The following FRMPD2 variants were observed in gnomAD, a reference collection of about 807,000 sequenced individuals.
The protein encoded by FRMPD2 is FERM and PDZ domain-containing protein 2.
In FRMPD2, 96 loss-of-function variants were observed where a neutral mutation model predicts 140.1. The ratio of observed to expected loss-of-function variants is 0.69; its 90% CI spans 0.58 to 0.81. The LOEUF (loss-of-function observed/expected upper bound fraction) is 0.81, where lower values mean the gene tolerates loss of function less well. FRMPD2 is among the 40% of genes least tolerant of loss of function. The pLI is 0.00. For synonymous variants in FRMPD2, 449 were observed against 547.6 expected (o/e 0.82, Z 2.52); for missense variants, 1,240 against 1,447.4 (o/e 0.86, Z 2.32).
At position 48,257,182 on chromosome 10, in the gene FRMPD2, C is replaced by CTTT. The variant is rs771272537; in HGVS notation, c.26-5494_26-5492dup. ...CCTCTTCTGTTTTAAATCTCCCAGT[C>CTTT]TTTTTTTTTTTTTCTGCCTGTAACA... On this transcript the variant is annotated intron_variant, in intron 1 of 28. Coordinates refer to ENST00000374201, the MANE Select transcript of FRMPD2 (RefSeq NM_001018071.4). 6.5e-3 allele frequency among the ~76,000 whole-genome samples: 938 copies of CTTT among 144,190 alleles called. 10 individuals carry two copies. Among genetic ancestry groups the CTTT allele is most frequent in the African/African-American group, 0.022 (871 of 39,858 alleles). 94.6% of individuals were successfully genotyped at this position (144,190 alleles called of 152,430 possible). A position where few individuals can be genotyped will look rare whatever the true frequency, so the allele number is the denominator to read the frequency against.
At chr10:48,177,358 G>A (rs1401926606) in intron 22 of FRMPD2, 5 of 150,200 alleles carry the variant, frequency 3.3e-5, no homozygotes, top group African/African-American at 7.4e-5. Context: ...CGATCCACCC[G>A]CCTCGGCCTC....
At position 48,184,659 on chromosome 10, in the gene FRMPD2, G is replaced by A. The variant is rs769311496; in HGVS notation, c.2491C>T (p.His831Tyr). ...KPGGQILALN[H>Y]ISLEGFTFNM... ...AATGTGAAGCCCTCCAGACTGATGT[G>A]ATTCAGGGCTAGTATCTGCCCTCCT... The change falls in exon 20 of 29, where the codon CAC (histidine) becomes TAC (tyrosine). Residue 831 changes from histidine (H) to tyrosine (Y), a missense_variant. His to Tyr is a moderately conservative substitution (Grantham distance 83). Transcript: ENST00000374201. The A allele has an allele frequency of 6.2e-7, 1 of 1,612,772 alleles. No individual in the cohort carries two copies. Among genetic ancestry groups the A allele is most frequent in the East Asian group, 2.2e-5 (1 of 44,866 alleles).
intron 10 of FRMPD2, among the ~76,000 whole-genome samples, chr10:48,229,111 G>A (rs1473847118): frequency 1.3e-5 from 2 of 151,992 alleles, no homozygotes; most frequent in African/African-American, 4.8e-5. Flanking sequence ...AGCCTCTACT[G>A]TTAATATTAA....
Position 48,274,547 on chromosome 10 carries a change from G to A in FRMPD2, c.21C>T (p.Asp7=), listed in dbSNP as rs201267573. 2.8e-5 allele frequency: 45 copies of A among 1,614,008 alleles called. No homozygotes were observed. In the African/African-American group the frequency reaches 3.6e-4, roughly 13 times the overall value. Residue 7 remains aspartate, a synonymous_variant, in exon 1 of 29, where the codon GAC becomes GAT. Coordinates refer to ENST00000374201, the MANE Select transcript of FRMPD2 (RefSeq NM_001018071.4). MQPLTK[D]AGMSLSSVTL... ...CTGAATGATGCCAAGGAATACCTGC[G>A]TCCTTCGTTAAAGGCTGCATCCAAA...
At chr10:48,250,570 T>C (rs887395838) in intron 2 of FRMPD2, among the ~76,000 whole-genome samples, 2 of 151,884 alleles carry the variant, frequency 1.3e-5, no homozygotes, top group Admixed American at 6.6e-5. Flanking sequence ...CCGGCTAATA[T>C]TTTGTGTGTG....
chr10:48,247,159 G>T (rs899493781), intron 3 of FRMPD2, among the ~76,000 whole-genome samples: 2 of 152,354 alleles, frequency 1.3e-5, no homozygotes, highest in East Asian at 3.9e-4. Context: ...CTGCCTGGAG[G>T]AAAGTGTGCA....
In FRMPD2 at chr10:48,242,447, G is replaced by A. The variant is rs536619525; in HGVS notation, c.376-95C>T. On this transcript the variant is annotated intron_variant, in intron 4 of 28. Coordinates refer to ENST00000374201, the MANE Select transcript of FRMPD2 (RefSeq NM_001018071.4). ...AGGCAGGCCTTGGAGACATGGAAAC[G>A]GGTGTTCCCACAAGCACCAGAGCAG... is the stretch of plus-strand genomic sequence containing the variant. The A allele has an allele frequency of 3.7e-5, 40 of 1,094,558 alleles. No homozygotes were observed. In the South Asian group the frequency reaches 3.7e-4, roughly 10 times the overall value. 67.8% of individuals were successfully genotyped at this position (1,094,558 alleles called of 1,614,324 possible).
chr10:48,200,297 T>C (rs115898447), intron 15 of FRMPD2, among the ~76,000 whole-genome samples: 3,372 of 152,212 alleles, frequency 0.022, 127 homozygotes, highest in African/African-American at 0.076. Context: ...CTTGCAGAGC[T>C]CACCTGAACC....
intron 15 of FRMPD2, among the ~76,000 whole-genome samples, chr10:48,200,197 T>TTAAA (rs1839052477): frequency 7.2e-6 from 1 of 139,628 alleles, no homozygotes. Context: ...AATAAATAAA[T>TTAAA]AAAACAGAGC....
At chr10:48,256,654 T>C (rs12262288) in intron 1 of FRMPD2, among the ~76,000 whole-genome samples, 11,928 of 152,132 alleles carry the variant, frequency 0.078, 1,557 homozygotes, top group African/African-American at 0.27. Context: ...GCTCTGGAGC[T>C]GAAGGTGCCA....
chr10:48,201,317 T>C lies in FRMPD2; in HGVS notation c.1865A>G (p.Lys622Arg). Reference sequence around the variant, plus strand: ...GAGGTCCAGTAAGTATTTACTGGTCTTGGCTGAATCTGTGACAAATGTGTG... The same window carrying C: ...GAGGTCCAGTAAGTATTTACTGGTCCTGGCTGAATCTGTGACAAATGTGTG... Reference protein sequence around the residue: ...KKHTFVTDSAKTSKYLLDLCS... With the variant: ...KKHTFVTDSARTSKYLLDLCS... The change falls in exon 15 of 29, where the codon AAG (lysine) becomes AGG (arginine). Residue 622 changes from lysine (K) to arginine (R), a missense_variant. Physicochemically the swap from Lys to Arg is conservative, Grantham distance 26. Coordinates refer to ENST00000374201, the MANE Select transcript of FRMPD2 (RefSeq NM_001018071.4). 1 of 1,613,984 alleles carries C rather than the reference T, an allele frequency of 6.2e-7. No individual in the cohort carries two copies. The highest frequency in any genetic ancestry group is 2.2e-5 in the East Asian group (1 of 44,884).
At chr10:48,258,425 G>A (rs1840525023) in intron 1 of FRMPD2, among the ~76,000 whole-genome samples, 1 of 152,134 alleles carries the variant, frequency 6.6e-6, no homozygotes, top group African/African-American at 2.4e-5. Flanking sequence ...CACAGCCCCT[G>A]ATTTAAATAG....
chr10:48,242,172 T>C lies in FRMPD2; in HGVS notation c.556A>G (p.Thr186Ala), dbSNP rs1840130343. The change falls in exon 5 of 29, where the codon ACC (threonine) becomes GCC (alanine). Residue 186 changes from threonine to alanine, a missense_variant. Around this residue, in one of 6 missense-constraint regions of FRMPD2, gnomAD observed 1,161 missense variants for 1,055.9 expected, o/e 1.10. Coordinates refer to ENST00000374201, the MANE Select transcript of FRMPD2 (RefSeq NM_001018071.4). ...GGTTCTCTACTGACCTCAGAAATGG[T>C]ACCCAGAACCAAGCCAACCAGCCTT... ...IRRLVGLVLG[T>A]ISEVEKRVVE... The C allele has an allele frequency of 6.2e-7, 1 of 1,612,076 alleles. No individual in the cohort carries two copies. The highest frequency in any genetic ancestry group is 1.3e-5 in the African/African-American group (1 of 75,026).
rs10563330 is a variant in FRMPD2, at chr10:48,237,125, T to TA, written c.922-573dup. On this transcript the variant is annotated intron_variant, in intron 8 of 28. Transcript: ENST00000374201. ...TGAGGAAGTTGAGGCTCCTCACCTT[T>TA]AAAAAAAAAAAAAAAAGCTTAAGAA... Among the ~76,000 whole-genome samples, 1,011 of 131,584 alleles carry TA rather than the reference T, an allele frequency of 7.7e-3. 7 individuals are homozygous for TA. Among genetic ancestry groups the TA allele is most frequent in the African/African-American group, 0.021 (765 of 36,872 alleles). 86.3% of individuals were successfully genotyped at this position (131,584 alleles called of 152,430 possible).
chr10:48,259,629 TGTGTAA>T (rs1436976560), intron 1 of FRMPD2, among the ~76,000 whole-genome samples: 1 of 138,692 alleles, frequency 7.2e-6, no homozygotes, highest in Non-Finnish European at 1.5e-5. Context: ...TGAATGTGTG[TGTGTAA>T]GTGTGTGTGT....
intron 13 of FRMPD2, among the ~76,000 whole-genome samples, chr10:48,210,818 G>A (rs529169648): frequency 6.6e-6 from 1 of 152,350 alleles, no homozygotes; most frequent in African/African-American, 2.4e-5. Flanking sequence ...CTGTTTTCAA[G>A]TACCCATCTC....
At chr10:48,244,693 G>C (rs1199147094) in intron 4 of FRMPD2, 91 bp downstream of exon 4, 1 of 930,314 alleles carries the variant, frequency 1.1e-6, no homozygotes, top group East Asian at 2.4e-5. Flanking sequence ...CATTATGTGT[G>C]CTCAGTAAAT....
intron 13 of FRMPD2, among the ~76,000 whole-genome samples, chr10:48,209,444 T>C (rs1839270118): frequency 6.6e-6 from 1 of 152,204 alleles, no homozygotes; most frequent in African/African-American, 2.4e-5. Flanking sequence ...CTGTGGCTAG[T>C]ACAAGGTGCT....
At chr10:48,241,006 C>A (rs1242324482) in intron 5 of FRMPD2, among the ~76,000 whole-genome samples, 1 of 152,232 alleles carries the variant, frequency 6.6e-6, no homozygotes, top group Non-Finnish European at 1.5e-5. Context: ...CCTTGCAGAT[C>A]CCTGACGGAA....
Sources: allele counts gnomAD v4.1 joint callset (sites outside exome capture counted in the v4.1 genomes callset), GRCh38; gene constraint gnomAD v4.1.1; regional missense constraint gnomAD v4.1.1; transcripts MANE v1.5; gene names NCBI Gene and HGNC (gene_info 2026-07-23, HGNC 2026-07-21).